OLA1: variants seen among roughly 807,000 people sequenced by gnomAD.
OLA1 encodes the protein Obg like ATPase 1, also known as obg-like ATPase 1.
A neutral mutation model predicts 48.4 loss-of-function variants in OLA1; 14 were observed. The observed-to-expected ratio is 0.29, with a 90% confidence interval of 0.19 to 0.45. The LOEUF (loss-of-function observed/expected upper bound fraction) is 0.45. Ranked by LOEUF, OLA1 falls within the 20% of genes least tolerant of loss-of-function variation. The pLI is 1.00. For missense variants in OLA1, 325 were observed against 467.1 expected (o/e 0.70, Z 2.80); for synonymous variants, 127 against 150.4 (o/e 0.84, Z 1.14).
intron 7 of OLA1, among the ~76,000 whole-genome samples, chr2:174,097,845 T>A (rs1685293735): frequency 6.6e-6 from 1 of 152,188 alleles, no homozygotes; most frequent in Non-Finnish European, 1.5e-5. Context: ...CCTGAAGTTG[T>A]TCTTAATTCA....
chr2:174,135,259 C>T (rs1049733042), intron 5 of OLA1, among the ~76,000 whole-genome samples: 11 of 151,088 alleles, frequency 7.3e-5, no homozygotes, highest in African/African-American at 1.9e-4. Flanking sequence ...TAAAGTCCTA[C>T]GTTCACTGTC....
intron 7 of OLA1, among the ~76,000 whole-genome samples, chr2:174,098,517 CA>C (rs1685312025): frequency 2.0e-5 from 3 of 152,008 alleles, no homozygotes; most frequent in Admixed American, 1.3e-4. Context: ...AAATAAAATA[CA>C]AGAGTTAATT....
chr2:174,105,848 G>A (rs1241461631), intron 7 of OLA1, among the ~76,000 whole-genome samples: 2 of 151,912 alleles, frequency 1.3e-5, no homozygotes, highest in Admixed American at 6.6e-5. Flanking sequence ...AAATGAGTAC[G>A]AACCTAGCCA....
chr2:174,144,866 G>A (rs367622524), intron 4 of OLA1, among the ~76,000 whole-genome samples: 1 of 143,938 alleles, frequency 6.9e-6, no homozygotes, highest in East Asian at 2.1e-4. Flanking sequence ...GAGACTGCTT[G>A]AACCCGGGAG....
chr2:174,220,246 C>A (rs1238526763), intron 4 of OLA1, among the ~76,000 whole-genome samples: 6 of 152,196 alleles, frequency 3.9e-5, no homozygotes, highest in Admixed American at 3.9e-4. Context: ...CGCTCCTACT[C>A]CTCATCATTC....
At chr2:174,175,024 ATATTCAACAAAT>A (rs1263290726) in intron 4 of OLA1, among the ~76,000 whole-genome samples, 3 of 152,022 alleles carry the variant, frequency 2.0e-5, no homozygotes, top group African/African-American at 7.2e-5. Context: ...GAGAGAAAAG[ATATTCAACAAAT>A]AATTCTGGAA....
At chr2:174,093,650 A>G (rs985861344) in intron 7 of OLA1, among the ~76,000 whole-genome samples, 1 of 152,220 alleles carries the variant, frequency 6.6e-6, no homozygotes, top group Non-Finnish European at 1.5e-5. Context: ...TTGTAATTTT[A>G]TATTCTGGTT....
chr2:174,093,002 C>T (rs1382548686), intron 7 of OLA1, among the ~76,000 whole-genome samples: 1 of 152,222 alleles, frequency 6.6e-6, no homozygotes, highest in Non-Finnish European at 1.5e-5. Flanking sequence ...ACTTTTAGAT[C>T]ATTCCCGAAT....
At position 174,135,577 on chromosome 2, in the gene OLA1, A is replaced by G. The variant is rs936908628; in HGVS notation, c.549+6248T>C. 1.4e-4 allele frequency among the ~76,000 whole-genome samples: 21 copies of G among 152,172 alleles called. 1 individual carries two copies. Among genetic ancestry groups the G allele is most frequent in the African/African-American group, 4.8e-4 (20 of 41,452 alleles). ...ATAAAATCAACAGGATGAGATGTAG[A>G]TGGTGCAAAAGAGGAAGGAGTCACA... On this transcript the variant is annotated intron_variant, in intron 5 of 10. Transcript: ENST00000284719.
chr2:174,126,931 C>T (rs1214522131), intron 5 of OLA1, among the ~76,000 whole-genome samples: 1 of 152,126 alleles, frequency 6.6e-6, no homozygotes, highest in Non-Finnish European at 1.5e-5. Flanking sequence ...TTCATGAAAT[C>T]TCAAGTCAGG....
chr2:174,114,058 G>A (rs937068093), intron 7 of OLA1, among the ~76,000 whole-genome samples: 1 of 151,600 alleles, frequency 6.6e-6, no homozygotes, highest in Non-Finnish European at 1.5e-5. Flanking sequence ...GCCGGGCGCG[G>A]TGGCTCATGC....
chr2:174,172,342 G>GGAAAAGAA (rs1687326890), intron 4 of OLA1: 1 of 154,212 alleles, frequency 6.5e-6, no homozygotes, highest in Non-Finnish European at 1.5e-5. Context: ...AGTGAGAGTG[G>GGAAAAGAA]CGAAAAGAGT....
At chr2:174,092,194 G>C (rs1321818353) in intron 7 of OLA1, among the ~76,000 whole-genome samples, 1 of 151,536 alleles carries the variant, frequency 6.6e-6, no homozygotes, top group Non-Finnish European at 1.5e-5. Flanking sequence ...GAGGAGGGGA[G>C]GGGTTATTGA....
At chr2:174,122,975 C>A (rs1187699426) in intron 7 of OLA1, among the ~76,000 whole-genome samples, 1 of 152,032 alleles carries the variant, frequency 6.6e-6, no homozygotes, top group Non-Finnish European at 1.5e-5. Context: ...TTATTTAATT[C>A]AGTTTTTCTT....
chr2:174,084,264 G>C (rs1684919770), intron 7 of OLA1, among the ~76,000 whole-genome samples: 1 of 152,134 alleles, frequency 6.6e-6, no homozygotes, highest in Non-Finnish European at 1.5e-5. Flanking sequence ...AGGTCTAAAG[G>C]TCTCTAAAGT....
chr2:174,163,759 TATATATATATA>T (rs1558984629), intron 4 of OLA1, among the ~76,000 whole-genome samples: 581 of 36,958 alleles, frequency 0.016, 82 homozygotes, highest in Non-Finnish European at 0.023. Flanking sequence ...TATATATATA[TATATATATATA>T]TATATAAATA....
At chr2:174,102,837 C>T (rs1470478284) in intron 7 of OLA1, among the ~76,000 whole-genome samples, 1 of 152,134 alleles carries the variant, frequency 6.6e-6, no homozygotes, top group Non-Finnish European at 1.5e-5. Context: ...TCCTGATCTT[C>T]CTATTGTATC....
chr2:174,142,191 C>G (rs1686469225), intron 4 of OLA1, among the ~76,000 whole-genome samples, 191 bp from the exon 5 acceptor site: 1 of 151,986 alleles, frequency 6.6e-6, no homozygotes, highest in Non-Finnish European at 1.5e-5. Context: ...AACTATAGTT[C>G]AAGAGCCTCC....
At chr2:174,234,213 T>C (rs1488131699) in intron 2 of OLA1, among the ~76,000 whole-genome samples, 1 of 152,216 alleles carries the variant, frequency 6.6e-6, no homozygotes, top group East Asian at 1.9e-4. Flanking sequence ...ACGTTTTCTC[T>C]TCCTTATGAT....
Sources: gnomAD v4.1 joint callset for allele counts (sites outside exome capture counted in the v4.1 genomes callset) on GRCh38, gnomAD v4.1.1 for gene constraint, MANE v1.5 for transcripts, NCBI Gene and HGNC (gene_info 2026-07-23, HGNC 2026-07-21) for gene names.